TMCO6: variants seen among roughly 807,000 people sequenced by gnomAD.
The protein encoded by TMCO6 is transmembrane and coiled-coil domain-containing protein 6.
In TMCO6, 47 loss-of-function variants were observed where a neutral mutation model predicts 61.8. That is an observed-to-expected ratio of 0.76 (90% CI 0.60 to 0.97). The LOEUF (loss-of-function observed/expected upper bound fraction) is 0.97, where lower values mean the gene tolerates loss of function less well. Among genes scored for constraint, TMCO6 ranks in the 50% least tolerant of loss-of-function variants. The pLI, the probability that TMCO6 is intolerant of heterozygous loss-of-function variation, is 0.00. For synonymous variants in TMCO6, 261 were observed against 254.2 expected (o/e 1.03, Z -0.25); for missense variants, 557 against 601.6 (o/e 0.93, Z 0.78).
chr5:140,639,335 C>T, upstream of TMCO6: 1 of 604,288 alleles, frequency 1.7e-6, no homozygotes, highest in Non-Finnish European at 2.9e-6. Context: ...GCGTCTCTAG[C>T]CCTCGCCCCG....
At position 140,642,014 on chromosome 5, in the gene TMCO6, C is replaced by T; in HGVS notation, c.459C>T (p.Tyr153=). 3.7e-6 allele frequency: 6 copies of T among 1,612,646 alleles called. No individual in the cohort carries two copies. The highest frequency in any genetic ancestry group is 2.2e-5 in the South Asian group (2 of 91,062). Residue 153 remains tyrosine, a synonymous_variant, in exon 4 of 12, where the codon TAC becomes TAT. Transcript: ENST00000394671. ...VAEACLPATS[Y]LLTYLSSHSS... is the part of the protein sequence containing the mutation. ...AGGCCTGCCTGCCAGCCACTTCTTA[C>T]CTCCTCACCTACCTCTCCAGTCACA... is the stretch of plus-strand genomic sequence containing the variant.
the TMCO6 span, chr5:140,633,298 AAT>A: frequency 1.6e-6 from 1 of 629,246 alleles, no homozygotes; most frequent in Non-Finnish European, 2.8e-6. Context: ...CTTTCCTGGA[AAT>A]ATTGCAATGA....
chr5:140,647,246 C>A (rs756810207), downstream of TMCO6: 2 of 1,539,214 alleles, frequency 1.3e-6, no homozygotes, highest in Non-Finnish European at 1.7e-6. Context: ...CCCTGGCGTC[C>A]CGCACTCACC....
chr5:140,647,575 C>T (rs1488799700), downstream of TMCO6: 2 of 1,610,376 alleles, frequency 1.2e-6, no homozygotes, highest in Middle Eastern at 3.3e-4. Flanking sequence ...TTGCTGCGGC[C>T]GCCGCCATCC....
At position 140,641,727 on chromosome 5, in the gene TMCO6, G is replaced by A. The variant is rs756659886; in HGVS notation, c.261G>A (p.Leu87=). The A allele has an allele frequency of 4.3e-6, 7 of 1,614,214 alleles. No individual in the cohort carries two copies. The South Asian group carries it at 7.7e-5, about 18-fold the overall frequency. The change falls in exon 3 of 12, where the codon CTG becomes CTA. Residue 87 remains leucine, a synonymous_variant. Transcript: ENST00000394671. ...GTEEKEREGA[L]VSLRRGLQHP... ...AGGAAAAGGAGAGAGAGGGGGCTCT[G>A]GTCAGCCTTCGTCGAGGCTTGCAGC...
the TMCO6 span, among the ~76,000 whole-genome samples, chr5:140,626,759 C>T: frequency 6.6e-6 from 1 of 152,230 alleles, no homozygotes; most frequent in African/African-American, 2.4e-5. Flanking sequence ...GCCATGTTGC[C>T]CAGGCTGGTC....
upstream of TMCO6, among the ~76,000 whole-genome samples, chr5:140,635,030 C>T (rs1756734896): frequency 6.6e-6 from 1 of 152,208 alleles, no homozygotes; most frequent in Admixed American, 6.5e-5. Flanking sequence ...GATTCACCTG[C>T]CTCGGCCTCC....
downstream of TMCO6, chr5:140,647,450 G>T: frequency 6.2e-7 from 1 of 1,606,396 alleles, no homozygotes; most frequent in Non-Finnish European, 8.5e-7. Flanking sequence ...CTGGCGTCCC[G>T]AAGCCCGCCC....
At chr5:140,622,944 CT>C in the TMCO6 span, among the ~76,000 whole-genome samples, 1 of 152,104 alleles carries the variant, frequency 6.6e-6, no homozygotes, top group Non-Finnish European at 1.5e-5. Flanking sequence ...TCTCGAACCC[CT>C]GGGTTCAAGT....
At chr5:140,637,974 C>CCTTTCTTTCTTT (rs202156970), upstream of TMCO6, among the ~76,000 whole-genome samples, 85 of 150,516 alleles carry the variant, frequency 5.6e-4, no homozygotes, top group Middle Eastern at 0.01. Context: ...TTCTTTTCTC[C>CCTTTCTTTCTTT]CTTTCTTTCT....
chr5:140,645,652 A>C, downstream of TMCO6: 1 of 1,614,216 alleles, frequency 6.2e-7, no homozygotes, highest in Non-Finnish European at 8.5e-7. Flanking sequence ...AAGTTGTTCA[A>C]AGGGACATTC....
chr5:140,624,191 C>T, the TMCO6 span, among the ~76,000 whole-genome samples: 2 of 151,758 alleles, frequency 1.3e-5, no homozygotes, highest in Admixed American at 1.3e-4. Context: ...ATGGTGAAAC[C>T]CCGTCTCTAC....
Position 140,641,970 on chromosome 5 carries a change from G to C in TMCO6, c.415G>C (p.Glu139Gln), listed in dbSNP as rs550584637. 4.6e-5 allele frequency: 74 copies of C among 1,614,026 alleles called. No individual in the cohort carries two copies. In the East Asian group the frequency reaches 1.4e-3, roughly 31 times the overall value. ...GTGCCTGCATGAGCTCTCTCACTCC[G>C]AGCAGTCCACTGTTGCTGAGGCCTG... Reference protein sequence around the residue: ...ARCLHELSHSEQSTVAEACLP... With the variant: ...ARCLHELSHSQQSTVAEACLP... The change falls in exon 4 of 12, where the codon GAG becomes CAG. Residue 139 changes from glutamate (E) to glutamine (Q), a missense_variant. Physicochemically the swap from Glu to Gln is conservative, Grantham distance 29 (BLOSUM62 2). Coordinates refer to ENST00000394671, the MANE Select transcript of TMCO6 (RefSeq NM_018502.5).
At chr5:140,617,484 G>A in the TMCO6 span, among the ~76,000 whole-genome samples, 1 of 152,190 alleles carries the variant, frequency 6.6e-6, no homozygotes, top group Non-Finnish European at 1.5e-5. Context: ...GTAGAGGGCT[G>A]AGGTTGCATT....
chr5:140,643,201 C>G (rs1757155364), intron 7 of TMCO6, among the ~76,000 whole-genome samples, 160 bp downstream of exon 7: 1 of 152,092 alleles, frequency 6.6e-6, no homozygotes, highest in Non-Finnish European at 1.5e-5. Flanking sequence ...TTAGCTGTTT[C>G]TCTTTTTTTT....
chr5:140,637,115 A>G (rs1756786898), upstream of TMCO6, among the ~76,000 whole-genome samples: 1 of 152,224 alleles, frequency 6.6e-6, no homozygotes, highest in Non-Finnish European at 1.5e-5. Context: ...GGATGCAGGC[A>G]GAGAAAACAG....
At chr5:140,605,594 C>T in the TMCO6 span, among the ~76,000 whole-genome samples, 5 of 151,974 alleles carry the variant, frequency 3.3e-5, no homozygotes, top group South Asian at 2.1e-4. Flanking sequence ...GCAGGAGAAT[C>T]GCTTGCATCC....
chr5:140,642,654 T>C lies in TMCO6; in HGVS notation c.672T>C (p.Ala224=), dbSNP rs764528027. The C allele has an allele frequency of 6.2e-7, 1 of 1,614,190 alleles. No homozygotes were observed. Among genetic ancestry groups the C allele is most frequent in the Non-Finnish European group, 8.5e-7 (1 of 1,180,036 alleles). ...ALSQLLQAEE[A]PEKIIPSILA... ...CCCAGCTTCTACAGGCTGAGGAAGCTCCAGAGAAGATCATTCCGTGAGTAA... is the reference window on the plus strand; with the variant it reads ...CCCAGCTTCTACAGGCTGAGGAAGCCCCAGAGAAGATCATTCCGTGAGTAA... Residue 224 remains alanine, a synonymous_variant, in exon 6 of 12, where the codon GCT becomes GCC. Transcript: ENST00000394671.
At chr5:140,647,655 T>C, downstream of TMCO6, 1 of 1,559,182 alleles carries the variant, frequency 6.4e-7, no homozygotes, top group South Asian at 1.1e-5. Context: ...CCGCGGACCC[T>C]AAAGCCTAGC....
Sources: gnomAD v4.1 joint callset for allele counts (sites outside exome capture counted in the v4.1 genomes callset) on GRCh38, gnomAD v4.1.1 for gene constraint, MANE v1.5 for transcripts, NCBI Gene and HGNC (gene_info 2026-07-23, HGNC 2026-07-21) for gene names.